Variants in EHBP1 observed in about 807,000 individuals in gnomAD.
The protein encoded by EHBP1 is EH domain-binding protein 1.
A neutral mutation model predicts 144.0 loss-of-function variants in EHBP1; 55 were observed. The ratio of observed to expected loss-of-function variants is 0.38; its 90% CI spans 0.31 to 0.48. The LOEUF (loss-of-function observed/expected upper bound fraction) is 0.48, where lower values mean the gene tolerates loss of function less well. EHBP1 is among the 20% of genes least tolerant of loss of function. The probability of loss-of-function intolerance (pLI) is 0.98; values close to 1 mark genes in which losing one functional copy is unlikely to be tolerated. For synonymous variants in EHBP1, 469 were observed against 472.7 expected, an observed-to-expected ratio of 0.99 and a Z score of 0.10; for missense variants, 1,200 against 1,364.2, an observed-to-expected ratio of 0.88 and a Z score of 1.90.
chr2:62,752,000 C>G (rs2039780145), intron 3 of EHBP1, among the ~76,000 whole-genome samples: 1 of 151,324 alleles, frequency 6.6e-6, no homozygotes, highest in South Asian at 2.1e-4. Flanking sequence ...CTTCTCTGAT[C>G]TTAGTTATTT....
At position 62,774,944 on chromosome 2, in the gene EHBP1, T is replaced by G. The variant is rs142142313; in HGVS notation, c.312+3552T>G. On this transcript the variant is annotated intron_variant, in intron 5 of 22. Transcript: ENST00000431489. ...TGTGTGTGAGAGAGAGGATAAAAAT[T>G]ACTGTATGAAAGATTTAGTATGTTA... Among the ~76,000 whole-genome samples, 126 of 152,302 alleles carry G rather than the reference T, an allele frequency of 8.3e-4. 1 individual carries two copies. The highest frequency in any genetic ancestry group is 2.7e-3 in the African/African-American group (114 of 41,568).
At chr2:62,742,509 A>G (rs1277426262) in intron 2 of EHBP1, among the ~76,000 whole-genome samples, 1 of 152,066 alleles carries the variant, frequency 6.6e-6, no homozygotes, top group African/African-American at 2.4e-5. Flanking sequence ...GGGAATTTTA[A>G]TTGATGTAGA....
At chr2:62,993,393 A>T (rs2059490981) in intron 16 of EHBP1, 137 bp from the exon 17 acceptor site, 1 of 686,198 alleles carries the variant, frequency 1.5e-6, no homozygotes, top group Non-Finnish European at 2.2e-6. Flanking sequence ...TGAGCTCTTT[A>T]AAGTGCTTTA....
At chr2:62,856,292 C>G (rs1439831429) in intron 7 of EHBP1, among the ~76,000 whole-genome samples, 2 of 152,210 alleles carry the variant, frequency 1.3e-5, no homozygotes, top group African/African-American at 4.8e-5. Flanking sequence ...TGGGAGCTCC[C>G]CATGCCAGGG....
At chr2:62,690,226 T>C (rs2151744950) in intron 1 of EHBP1, among the ~76,000 whole-genome samples, 1 of 152,170 alleles carries the variant, frequency 6.6e-6, no homozygotes, top group Middle Eastern at 3.4e-3. Context: ...CTGGGGATGA[T>C]GGAGTATATG....
chr2:62,922,573 T>C (rs1275909891), intron 10 of EHBP1, among the ~76,000 whole-genome samples: 2 of 152,062 alleles, frequency 1.3e-5, no homozygotes, highest in Admixed American at 1.3e-4. Flanking sequence ...TTTAAAAAGG[T>C]TATAGGGAAG....
chr2:62,977,642 C>T (rs1159997243), intron 14 of EHBP1, among the ~76,000 whole-genome samples: 1 of 152,000 alleles, frequency 6.6e-6, no homozygotes. Context: ...ATAGTATATT[C>T]TCCTGCTTGA....
chr2:62,997,196 A>C (rs1029485016), intron 19 of EHBP1, among the ~76,000 whole-genome samples: 2 of 152,122 alleles, frequency 1.3e-5, no homozygotes, highest in African/African-American at 2.4e-5. Flanking sequence ...TGAGAATACT[A>C]TCTGGTTACT....
chr2:62,744,860 C>T (rs1283098988), intron 2 of EHBP1, among the ~76,000 whole-genome samples: 1 of 152,054 alleles, frequency 6.6e-6, no homozygotes, highest in Non-Finnish European at 1.5e-5. Flanking sequence ...CAGGTAATGC[C>T]TCACTAGACT....
At chr2:62,693,560 T>C (rs1365319509) in intron 1 of EHBP1, among the ~76,000 whole-genome samples, 1 of 152,204 alleles carries the variant, frequency 6.6e-6, no homozygotes, top group Admixed American at 6.5e-5. Context: ...ATACAATGTG[T>C]AGAGGTCAAA....
chr2:62,811,626 G>C (rs1242494547), intron 5 of EHBP1, among the ~76,000 whole-genome samples: 1 of 152,134 alleles, frequency 6.6e-6, no homozygotes, highest in Non-Finnish European at 1.5e-5. Context: ...AGTCTTGAGA[G>C]TTTTTAGGTT....
intron 5 of EHBP1, among the ~76,000 whole-genome samples, chr2:62,801,004 C>T (rs2043938479): frequency 6.6e-6 from 1 of 152,202 alleles, no homozygotes; most frequent in Non-Finnish European, 1.5e-5. Context: ...ACCCTGGGCA[C>T]CACCTCTAAG....
chr2:62,743,044 A>T (rs1311237769), intron 2 of EHBP1, among the ~76,000 whole-genome samples: 1 of 152,154 alleles, frequency 6.6e-6, no homozygotes. Flanking sequence ...CCAGTAATAA[A>T]CACAGATAGC....
intron 4 of EHBP1, among the ~76,000 whole-genome samples, chr2:62,770,687 G>T (rs2041594072): frequency 6.6e-6 from 1 of 152,068 alleles, no homozygotes; most frequent in Non-Finnish European, 1.5e-5. Context: ...AAATCATTCT[G>T]CCATAAAGAA....
chr2:62,996,521 C>T, intron 18 of EHBP1, 122 bp from the exon 19 acceptor site: 6 of 1,229,322 alleles, frequency 4.9e-6, no homozygotes, highest in Non-Finnish European at 6.8e-6. Flanking sequence ...CTTTTTGGTA[C>T]TAAGGGTGAT....
intron 8 of EHBP1, among the ~76,000 whole-genome samples, chr2:62,863,806 T>A (rs2049801785): frequency 6.6e-6 from 1 of 150,736 alleles, no homozygotes; most frequent in Non-Finnish European, 1.5e-5. Flanking sequence ...CTTTTTATTT[T>A]ATTTTATTTT....
intron 10 of EHBP1, among the ~76,000 whole-genome samples, chr2:62,914,911 T>C (rs1479273632): frequency 1.3e-5 from 2 of 152,082 alleles, no homozygotes; most frequent in African/African-American, 4.8e-5. Context: ...TGATTTAGCC[T>C]TGTCCAATAA....
chr2:62,836,052 CA>C (rs1163181068), intron 7 of EHBP1, among the ~76,000 whole-genome samples: 3 of 152,046 alleles, frequency 2.0e-5, no homozygotes, highest in Admixed American at 6.5e-5. Context: ...CACAGACAAA[CA>C]AAAAGACAGC....
In EHBP1 at chr2:63,008,894, G is replaced by T. The variant is rs77181902; in HGVS notation, c.3103+12128G>T. On this transcript the variant is annotated intron_variant, in intron 19 of 22. Transcript: ENST00000431489. ...ATTAAAACTAAAAAATTAATTTCTT[G>T]TATGCAAATTTTGTATAAATATGTT... Among the ~76,000 whole-genome samples, 1,422 of 151,658 alleles carry T rather than the reference G, an allele frequency of 9.4e-3. 13 individuals are homozygous for T. Among genetic ancestry groups the T allele is most frequent in the Non-Finnish European group, 0.015 (1,029 of 67,634 alleles).
Sources: allele counts gnomAD v4.1 joint callset (sites outside exome capture counted in the v4.1 genomes callset), GRCh38; gene constraint gnomAD v4.1.1; transcripts MANE v1.5; gene names NCBI Gene and HGNC (gene_info 2026-07-23, HGNC 2026-07-21).